GPC5: variants seen among roughly 807,000 people sequenced by gnomAD.
GPC5 encodes glypican-5.
GPC5 carries 47 observed loss-of-function variants against 53.9 expected under a neutral mutation model. The ratio of observed to expected loss-of-function variants is 0.87; its 90% CI spans 0.69 to 1.11. The LOEUF is 1.11. Among genes scored for constraint, GPC5 ranks in the 50% most tolerant of loss-of-function variants. GPC5 has a pLI of 0.00. For synonymous variants in GPC5, 286 were observed against 263.3 expected (o/e 1.09, Z -0.84); for missense variants, 748 against 713.1 (o/e 1.05, Z -0.56).
intron 2 of GPC5, among the ~76,000 whole-genome samples, chr13:91,621,591 G>A (rs1016997842): frequency 9.2e-5 from 14 of 151,820 alleles, no homozygotes; most frequent in African/African-American, 3.1e-4. Flanking sequence ...GTAAGGGAGT[G>A]CCTACCTAAG....
At chr13:92,562,181 C>T (rs1236049819) in intron 7 of GPC5, among the ~76,000 whole-genome samples, 1 of 152,064 alleles carries the variant, frequency 6.6e-6, no homozygotes, top group Non-Finnish European at 1.5e-5. Context: ...CTTACCTCCT[C>T]ACCAGCTTGC....
At chr13:92,288,601 C>A (rs2042972538) in intron 7 of GPC5, among the ~76,000 whole-genome samples, 1 of 152,104 alleles carries the variant, frequency 6.6e-6, no homozygotes, top group Non-Finnish European at 1.5e-5. Flanking sequence ...CTGGACAATA[C>A]CAGTGTTTGA....
At chr13:91,898,116 A>T (rs1313887813) in intron 5 of GPC5, among the ~76,000 whole-genome samples, 1 of 152,174 alleles carries the variant, frequency 6.6e-6, no homozygotes, top group Non-Finnish European at 1.5e-5. Flanking sequence ...AGGCAATTTA[A>T]CATCATGTAA....
intron 7 of GPC5, among the ~76,000 whole-genome samples, chr13:92,556,493 T>C (rs1314167814): frequency 2.0e-5 from 3 of 151,732 alleles, no homozygotes; most frequent in African/African-American, 4.8e-5. Context: ...TTAATATCCA[T>C]GATGTGACAG....
chr13:91,953,189 C>A (rs111399352), intron 6 of GPC5, among the ~76,000 whole-genome samples: 3,229 of 152,184 alleles, frequency 0.021, 100 homozygotes, highest in African/African-American at 0.074. Flanking sequence ...CTAGCAAGCA[C>A]ACTTGGGGTA....
chr13:91,518,752 A>G (rs1885643448), intron 2 of GPC5, among the ~76,000 whole-genome samples: 1 of 152,124 alleles, frequency 6.6e-6, no homozygotes, highest in Non-Finnish European at 1.5e-5. Context: ...ATGGGGTTTC[A>G]CAGTGTTAGC....
At chr13:91,921,825 G>A (rs937022629) in intron 6 of GPC5, among the ~76,000 whole-genome samples, 2 of 151,690 alleles carry the variant, frequency 1.3e-5, no homozygotes, top group Admixed American at 6.6e-5. Flanking sequence ...CACAAGCCAG[G>A]CATGGTGATG....
chr13:92,858,705 A>C (rs1879086809), intron 7 of GPC5, among the ~76,000 whole-genome samples: 1 of 152,110 alleles, frequency 6.6e-6, no homozygotes, highest in Non-Finnish European at 1.5e-5. Context: ...TATTGGGTAC[A>C]ATGTTCACTG....
intron 6 of GPC5, among the ~76,000 whole-genome samples, chr13:92,135,606 T>C (rs1428632528): frequency 6.6e-6 from 1 of 152,146 alleles, no homozygotes; most frequent in Non-Finnish European, 1.5e-5. Flanking sequence ...ACAAATAACC[T>C]CTGGGCAGTA....
intron 7 of GPC5, among the ~76,000 whole-genome samples, chr13:92,800,324 T>C (rs141043785): frequency 1.3e-5 from 2 of 151,966 alleles, no homozygotes; most frequent in East Asian, 2.0e-4. Context: ...TTCTCGAGAC[T>C]ATGAAGGTCA....
At chr13:92,269,397 T>C (rs1312991350) in intron 7 of GPC5, among the ~76,000 whole-genome samples, 1 of 151,206 alleles carries the variant, frequency 6.6e-6, no homozygotes, top group Non-Finnish European at 1.5e-5. Flanking sequence ...CATCTATTCC[T>C]TTTTTTTGTT....
intron 7 of GPC5, among the ~76,000 whole-genome samples, chr13:92,205,384 A>C (rs1335712431): frequency 1.3e-5 from 2 of 152,126 alleles, no homozygotes; most frequent in Non-Finnish European, 2.9e-5. Flanking sequence ...CTGGAGGTCA[A>C]GCTGATGTCA....
chr13:92,794,533 G>A (rs1300468171), intron 7 of GPC5, among the ~76,000 whole-genome samples: 1 of 152,058 alleles, frequency 6.6e-6, no homozygotes, highest in Non-Finnish European at 1.5e-5. Flanking sequence ...GTTCTGGCCA[G>A]GGCAATCAGG....
chr13:92,022,411 G>C (rs2040766780), intron 6 of GPC5, among the ~76,000 whole-genome samples: 1 of 152,116 alleles, frequency 6.6e-6, no homozygotes, highest in South Asian at 2.1e-4. Flanking sequence ...ACTGGGAATA[G>C]TTTAAAAGGG....
intron 5 of GPC5, among the ~76,000 whole-genome samples, chr13:91,786,090 A>T (rs775659836): frequency 1.3e-4 from 19 of 151,982 alleles, no homozygotes; most frequent in Non-Finnish European, 2.6e-4. Context: ...TCTGCCTCCT[A>T]AGTTCAAGTG....
At chr13:92,492,128 G>T (rs374930711) in intron 7 of GPC5, among the ~76,000 whole-genome samples, 8 of 151,982 alleles carry the variant, frequency 5.3e-5, no homozygotes, top group Non-Finnish European at 1.2e-4. Flanking sequence ...GAAGAAGCAG[G>T]TATAGACTCA....
At chr13:92,232,070 CTTA>C (rs1240277669) in intron 7 of GPC5, among the ~76,000 whole-genome samples, 1 of 152,108 alleles carries the variant, frequency 6.6e-6, no homozygotes, top group East Asian at 1.9e-4. Flanking sequence ...ATGTTAGCAC[CTTA>C]TTATTATAAA....
intron 7 of GPC5, among the ~76,000 whole-genome samples, chr13:92,396,837 C>T (rs1197851287): frequency 1.3e-5 from 2 of 152,280 alleles, no homozygotes; most frequent in East Asian, 3.9e-4. Flanking sequence ...CTCCTTATCC[C>T]ACTTTGGTGA....
chr13:91,595,808 C>A (rs1384265664), intron 2 of GPC5, among the ~76,000 whole-genome samples: 1 of 152,204 alleles, frequency 6.6e-6, no homozygotes, highest in Admixed American at 6.5e-5. Flanking sequence ...CTCCCTTTCT[C>A]TTCATGACCC....
Sources: allele counts gnomAD v4.1 joint callset (sites outside exome capture counted in the v4.1 genomes callset), GRCh38; gene constraint gnomAD v4.1.1; transcripts MANE v1.5; gene names NCBI Gene and HGNC (gene_info 2026-07-23, HGNC 2026-07-21).